Variants in APOL2 observed in about 807,000 individuals in gnomAD.
The protein encoded by APOL2 is apolipoprotein L, 2.
In APOL2, 8 loss-of-function variants were observed where a neutral mutation model predicts 7.1. That is an observed-to-expected ratio of 1.12 (90% CI 0.66 to 2.03). APOL2 has a LOEUF of 2.03. Ranked by LOEUF, APOL2 falls within the 30% of genes most tolerant of loss-of-function variation. APOL2 has a pLI of 0.00. For missense variants in APOL2, 471 were observed against 415.1 expected (o/e 1.13, Z -1.17); for synonymous variants, 177 against 159.9 (o/e 1.11, Z -0.81).
chr22:36,227,858 C>A lies in APOL2; in HGVS notation c.560G>T (p.Ser187Ile), dbSNP rs1326292129. ...CATCACCTTTGCTACATTGGTGCCGCTTTGGTCCAAGTTGCGGGCTTGGGC... is the reference window on the plus strand; with the variant it reads ...CATCACCTTTGCTACATTGGTGCCGATTTGGTCCAAGTTGCGGGCTTGGGC... ...ARAQARNLDQ[S>I]GTNVAKVMKE... Residue 187 changes from serine to isoleucine, a missense_variant, in exon 5 of 5, where the codon AGC becomes ATC. Coordinates refer to ENST00000358502, the MANE Select transcript of APOL2 (RefSeq NM_030882.4). The A allele has an allele frequency of 1.9e-6, 3 of 1,614,232 alleles. No individual in the cohort carries two copies. Among genetic ancestry groups the A allele is most frequent in the Non-Finnish European group, 2.5e-6 (3 of 1,180,046 alleles).
chr22:36,238,215 G>T (rs1294808479), intron 1 of APOL2, among the ~76,000 whole-genome samples: 2 of 152,208 alleles, frequency 1.3e-5, no homozygotes, highest in African/African-American at 2.4e-5. Context: ...TGAAATCCCA[G>T]GTGCAGGAGG....
At chr22:36,232,505 C>G (rs949876085) in intron 3 of APOL2, among the ~76,000 whole-genome samples, 2 of 152,206 alleles carry the variant, frequency 1.3e-5, no homozygotes, top group African/African-American at 4.8e-5. Flanking sequence ...AGGCTTTGGC[C>G]AGGCCAGGTA....
chr22:36,233,547 G>T (rs1263299385), intron 1 of APOL2, 92 bp from the exon 2 acceptor site: 5 of 1,175,850 alleles, frequency 4.3e-6, no homozygotes, highest in Non-Finnish European at 4.9e-6. Context: ...ATAGAGATGG[G>T]AGGGAACATT....
intron 1 of APOL2, among the ~76,000 whole-genome samples, chr22:36,238,052 C>CT (rs1453483240): frequency 3.3e-5 from 5 of 152,204 alleles, no homozygotes. Flanking sequence ...CCTGAGCACT[C>CT]TGCTTTCCAG....
At chr22:36,228,815 T>C (rs1164575872) in intron 4 of APOL2, among the ~76,000 whole-genome samples, 1 of 152,138 alleles carries the variant, frequency 6.6e-6, no homozygotes, top group African/African-American at 2.4e-5. Context: ...ATGTGATGGA[T>C]GATAGGGTTT....
intron 1 of APOL2, among the ~76,000 whole-genome samples, chr22:36,237,697 C>T (rs550272645): frequency 1.3e-5 from 2 of 152,256 alleles, no homozygotes; most frequent in South Asian, 2.1e-4. Flanking sequence ...AGGCCTCAGC[C>T]GTGGCACTGC....
At position 36,239,511 on chromosome 22, in the gene APOL2, C is replaced by T; in HGVS notation, c.-204G>A. Reference sequence around the variant, plus strand: ...TGAGCTGTGTGGATCCCACGTCCAGCTGTGCATCTGTGTAATAACCAGACA... The same window carrying T: ...TGAGCTGTGTGGATCCCACGTCCAGTTGTGCATCTGTGTAATAACCAGACA... On this transcript the variant is annotated 5_prime_UTR_variant, in exon 1 of 5. Transcript: ENST00000358502. 1.3e-6 allele frequency: 2 copies of T among 1,586,286 alleles called. No homozygotes were observed. The highest frequency in any genetic ancestry group is 1.7e-6 in the Non-Finnish European group (2 of 1,172,976).
chr22:36,235,708 A>G (rs1490836205), intron 1 of APOL2, among the ~76,000 whole-genome samples: 2 of 149,180 alleles, frequency 1.3e-5, no homozygotes, highest in East Asian at 4.4e-4. Flanking sequence ...TGTTCTAAGA[A>G]AGCTACTTGA....
chr22:36,231,451 A>G lies in APOL2; in HGVS notation c.26T>C (p.Ile9Thr), dbSNP rs1235233314. Residue 9 changes from isoleucine (I) to threonine (T), a missense_variant, in exon 4 of 5, where the codon ATT becomes ACT. By Grantham distance (89) the Ile-to-Thr change is moderately conservative. Coordinates refer to ENST00000358502, the MANE Select transcript of APOL2 (RefSeq NM_030882.4). MNPESSIF[I>T]EDYLKYFQDQ... is the part of the protein sequence containing the mutation. ...CTGGAAATACTTAAGGTAATCCTCA[A>G]TAAAGATACTGCTCTCTAGTTGGAA... 1.9e-6 allele frequency: 3 copies of G among 1,612,954 alleles called. No homozygotes were observed. The highest frequency in any genetic ancestry group is 1.3e-5 in the African/African-American group (1 of 74,138).
chr22:36,229,250 C>T (rs889081090), intron 4 of APOL2, among the ~76,000 whole-genome samples: 1 of 152,170 alleles, frequency 6.6e-6, no homozygotes, highest in Non-Finnish European at 1.5e-5. Flanking sequence ...CAGGAACCCC[C>T]CACTCTGGCG....
At chr22:36,237,251 G>C in intron 1 of APOL2, 14 of 1,358,030 alleles carry the variant, frequency 1.0e-5, no homozygotes, top group Non-Finnish European at 1.3e-5. Flanking sequence ...CCAACTGAGC[G>C]ACCTGGAAGA....
At chr22:36,238,041 C>T (rs2015470581) in intron 1 of APOL2, among the ~76,000 whole-genome samples, 1 of 152,170 alleles carries the variant, frequency 6.6e-6, no homozygotes, top group Non-Finnish European at 1.5e-5. Context: ...TCCCCAGGCT[C>T]CCTGAGCACT....
At chr22:36,237,211 G>T in intron 1 of APOL2, 1 of 1,403,016 alleles carries the variant, frequency 7.1e-7, no homozygotes, top group South Asian at 1.6e-5. Context: ...TACTCCATGG[G>T]TGAGCCTGCA....
intron 1 of APOL2, chr22:36,239,047 G>A (rs2015510312): frequency 1.0e-6 from 1 of 964,146 alleles, no homozygotes; most frequent in Non-Finnish European, 1.3e-6. Flanking sequence ...CCGGCCACAA[G>A]GACATGCCGG....
rs9619597 is a variant in APOL2 at position 36,226,776 on chromosome 22, G to T, written c.*628C>A. 0.057 allele frequency: 8,681 copies of T among 153,422 alleles called. 348 individuals are homozygous for T. Among genetic ancestry groups the T allele is most frequent in the South Asian group, 0.15 (842 of 5,606 alleles). The allele number at this position is 153,422 out of a possible 1,614,324, so 9.5% of individuals were successfully genotyped here. A position where few individuals can be genotyped will look rare whatever the true frequency, so the allele number is the denominator to read the frequency against. ...CCTGGCCTTCTCATTGCTGGTTCCTGCAAGCTCCCCCTCTATTCTTCGCCC... is the reference window on the plus strand; with the variant it reads ...CCTGGCCTTCTCATTGCTGGTTCCTTCAAGCTCCCCCTCTATTCTTCGCCC... On this transcript the variant is annotated 3_prime_UTR_variant, in exon 5 of 5. Transcript: ENST00000358502.
chr22:36,233,194 C>T lies in APOL2; in HGVS notation c.-32G>A. ...AGCGGCTGGGTTACCGAGGGGCTTT[C>T]CTTGGAGCTCTCCAGTCACTGTCCA... is the stretch of plus-strand genomic sequence containing the variant. On this transcript the variant is annotated 5_prime_UTR_variant, in exon 3 of 5. Transcript: ENST00000358502. 1.2e-6 allele frequency: 2 copies of T among 1,614,062 alleles called. No homozygotes were observed. The highest frequency in any genetic ancestry group is 1.7e-6 in the Non-Finnish European group (2 of 1,179,994).
At chr22:36,239,726 AC>A, upstream of APOL2, 1 of 547,042 alleles carries the variant, frequency 1.8e-6, no homozygotes, top group Middle Eastern at 3.8e-4. Context: ...CTCTCATCCA[AC>A]CCACCTGCCT....
intron 1 of APOL2, chr22:36,239,134 A>C: frequency 8.3e-7 from 1 of 1,199,478 alleles, no homozygotes; most frequent in Non-Finnish European, 1.0e-6. Flanking sequence ...CCCAACACCT[A>C]CCTTTCTTCT....
intron 4 of APOL2, among the ~76,000 whole-genome samples, chr22:36,229,630 A>G (rs1483877948): frequency 1.3e-5 from 2 of 152,180 alleles, no homozygotes; most frequent in Non-Finnish European, 2.9e-5. Context: ...GTTTTCAGTG[A>G]GTTACGTGAG....
Sources: gnomAD v4.1 joint callset for allele counts (sites outside exome capture counted in the v4.1 genomes callset) on GRCh38, gnomAD v4.1.1 for gene constraint, MANE v1.5 for transcripts, NCBI Gene and HGNC (gene_info 2026-07-23, HGNC 2026-07-21) for gene names.